DDX31: variants seen among roughly 807,000 people sequenced by gnomAD.
DDX31 encodes the protein ATP-dependent DNA helicase DDX31.
Under a neutral mutation model 91.3 loss-of-function variants are expected in DDX31, and 70 were observed. The ratio of observed to expected loss-of-function variants is 0.77; its 90% CI spans 0.63 to 0.94. The LOEUF (loss-of-function observed/expected upper bound fraction) is 0.94. DDX31 is among the 40% of genes least tolerant of loss of function. The pLI, the probability that DDX31 is intolerant of heterozygous loss-of-function variation, is 0.00. For synonymous variants in DDX31, 362 were observed against 350.6 expected (o/e 1.03, Z -0.36); for missense variants, 902 against 925.0 (o/e 0.98, Z 0.32).
intron 17 of DDX31, among the ~76,000 whole-genome samples, chr9:132,624,476 A>G (rs1281791110): frequency 6.6e-6 from 1 of 152,248 alleles, no homozygotes; most frequent in Non-Finnish European, 1.5e-5. Context: ...TTATTTAGAA[A>G]AAGACTCAAT....
chr9:132,641,223 G>A (rs1368991484), intron 14 of DDX31, among the ~76,000 whole-genome samples: 1 of 152,172 alleles, frequency 6.6e-6, no homozygotes, highest in Non-Finnish European at 1.5e-5. Context: ...TGGCCTAGAT[G>A]GGCATTCAAA....
chr9:132,605,316 A>T (rs1415936136), intron 19 of DDX31, among the ~76,000 whole-genome samples: 1 of 152,160 alleles, frequency 6.6e-6, no homozygotes, highest in East Asian at 1.9e-4. Flanking sequence ...CAAATCTGAA[A>T]ACTAATATGC....
rs746167065 is a variant in DDX31, at chr9:132,618,387, T to C, written c.1768A>G (p.Thr590Ala). ...GAGTGCACGTAATCTTCAAATACCG[T>C]CTGCAAGACTGTGGCTCGCTCTCGG... Reference protein sequence around the residue: ...EIRERATVLQTVFEDYVHSSE... With the variant: ...EIRERATVLQAVFEDYVHSSE... The change falls in exon 18 of 20, where the codon ACG (threonine) becomes GCG (alanine). Residue 590 changes from threonine to alanine, a missense_variant. Coordinates refer to ENST00000372159, the MANE Select transcript of DDX31 (RefSeq NM_022779.9). 1.2e-6 allele frequency: 2 copies of C among 1,612,248 alleles called. No homozygotes were observed. The highest frequency in any genetic ancestry group is 1.7e-6 in the Non-Finnish European group (2 of 1,179,334).
At chr9:132,648,404 C>T in intron 10 of DDX31, 28 bp downstream of exon 10, 1 of 1,611,506 alleles carries the variant, frequency 6.2e-7, no homozygotes, top group Non-Finnish European at 8.5e-7. Flanking sequence ...TTCTCTTCTA[C>T]CTGTTATCAT....
At chr9:132,596,250 T>C (rs1830427454) in intron 19 of DDX31, among the ~76,000 whole-genome samples, 1 of 152,208 alleles carries the variant, frequency 6.6e-6, no homozygotes, top group African/African-American at 2.4e-5. Flanking sequence ...AGACTAATAG[T>C]GTGTTGTTAA....
At position 132,630,403 on chromosome 9, in the gene DDX31, A is replaced by G. The variant is rs959681366; in HGVS notation, c.1492T>C (p.Tyr498His). ...TCTGCAGGTGAAGATGGAGCGTTGT[A>G]CTAAAAAGGGTAACAAAAATGAAGG... ...DLPQVTWIVQYNAPSSPAEYI... is the reference protein window; with the variant it reads ...DLPQVTWIVQHNAPSSPAEYI... Residue 498 changes from tyrosine to histidine, a missense_variant and splice_region_variant, in exon 16 of 20, where the codon TAC becomes CAC. Coordinates refer to ENST00000372159, the MANE Select transcript of DDX31 (RefSeq NM_022779.9). 5.7e-6 allele frequency: 9 copies of G among 1,583,470 alleles called. No homozygotes were observed. The highest frequency in any genetic ancestry group is 1.7e-6 in the Non-Finnish European group (2 of 1,155,830).
chr9:132,652,897 A>G (rs1437863745), intron 6 of DDX31, among the ~76,000 whole-genome samples: 1 of 152,122 alleles, frequency 6.6e-6, no homozygotes, highest in Non-Finnish European at 1.5e-5. Context: ...GACCTCCCCC[A>G]GCCATGTGGA....
At chr9:132,637,279 C>T (rs1833180484) in intron 14 of DDX31, among the ~76,000 whole-genome samples, 1 of 152,176 alleles carries the variant, frequency 6.6e-6, no homozygotes, top group Admixed American at 6.5e-5. Context: ...GTTCTGTCTG[C>T]TCTTAGAACT....
In DDX31 at chr9:132,632,083, T is replaced by A. The variant is rs779030066; in HGVS notation, c.1449A>T (p.Ala483=). The change falls in exon 15 of 20, where the codon GCA becomes GCT. Residue 483 remains alanine (A), a synonymous_variant. Coordinates refer to ENST00000372159, the MANE Select transcript of DDX31 (RefSeq NM_022779.9). ...RRGVLLCTDV[A]ARGLDLPQVT... ...CTTGAGGGAGATCTAAGCCCCGAGC[T>A]GCAACATCCTTTAACAAAGAAAAGA... The A allele has an allele frequency of 3.7e-6, 6 of 1,613,224 alleles. No individual in the cohort carries two copies. In the Admixed American group the frequency reaches 1.0e-4, roughly 27 times the overall value.
At chr9:132,639,378 C>T (rs369180193) in intron 14 of DDX31, among the ~76,000 whole-genome samples, 1 of 152,150 alleles carries the variant, frequency 6.6e-6, no homozygotes, top group African/African-American at 2.4e-5. Flanking sequence ...CCCAGAATAT[C>T]GGCATGCTGG....
At chr9:132,647,269 A>C (rs1057495185) in intron 11 of DDX31, among the ~76,000 whole-genome samples, 12 of 152,142 alleles carry the variant, frequency 7.9e-5, no homozygotes, top group Non-Finnish European at 1.5e-4. Flanking sequence ...CCATTCTATA[A>C]ACACTCACCT....
chr9:132,665,146 A>G (rs1362446545), intron 1 of DDX31, among the ~76,000 whole-genome samples: 2 of 152,236 alleles, frequency 1.3e-5, no homozygotes, highest in Non-Finnish European at 2.9e-5. Flanking sequence ...TCTGTCCTAC[A>G]TAGCACTGTA....
intron 19 of DDX31, among the ~76,000 whole-genome samples, chr9:132,611,172 A>G (rs184250065): frequency 7.3e-4 from 111 of 152,300 alleles, no homozygotes; most frequent in African/African-American, 2.5e-3. Context: ...GCGTTTGTAA[A>G]TTAACGTGGA....
At chr9:132,652,557 G>A (rs1834270340) in intron 6 of DDX31, 65 bp from the exon 7 acceptor site, 2 of 1,595,174 alleles carry the variant, frequency 1.3e-6, no homozygotes, top group Non-Finnish European at 1.7e-6. Context: ...AAACGGACAG[G>A]ACACAGGGGT....
At chr9:132,611,912 C>T (rs562246111) in intron 19 of DDX31, among the ~76,000 whole-genome samples, 175 bp downstream of exon 19, 3 of 152,260 alleles carry the variant, frequency 2.0e-5, no homozygotes, top group Admixed American at 6.5e-5. Flanking sequence ...CAAAAGGAGG[C>T]ACCCCTGAAT....
chr9:132,619,437 C>G (rs1473794647), intron 17 of DDX31, among the ~76,000 whole-genome samples: 1 of 152,110 alleles, frequency 6.6e-6, no homozygotes, highest in Non-Finnish European at 1.5e-5. Context: ...GCTGCTTAAC[C>G]TTGTAGAGGA....
At position 132,650,412 on chromosome 9, in the gene DDX31, T is replaced by C. The variant is rs1371832027; in HGVS notation, c.676-114A>G. 7.5e-6 allele frequency: 7 copies of C among 933,250 alleles called. No homozygotes were observed. The East Asian group carries it at 7.7e-5, about 10-fold the overall frequency. The allele number at this position is 933,250 out of a possible 1,614,324, so 57.8% of individuals were successfully genotyped here. On this transcript the variant is annotated intron_variant, in intron 8 of 19. Transcript: ENST00000372159. ...CATGGGAGAAAACTGGTGCTTCTCA[T>C]TGTATAAGGTGTTATTGTGCAGACA...
At chr9:132,638,128 C>T (rs1234661162) in intron 14 of DDX31, 5 of 1,381,422 alleles carry the variant, frequency 3.6e-6, no homozygotes, top group African/African-American at 2.9e-5. Flanking sequence ...GGACAGTTGG[C>T]GCCCAGGGCG....
intron 18 of DDX31, among the ~76,000 whole-genome samples, 185 bp downstream of exon 18, chr9:132,618,145 A>G (rs1359910341): frequency 3.3e-5 from 5 of 152,212 alleles, no homozygotes; most frequent in Non-Finnish European, 7.3e-5. Context: ...TTAACATTTA[A>G]TATCACTTTA....
Sources: gnomAD v4.1 joint callset for allele counts (sites outside exome capture counted in the v4.1 genomes callset) on GRCh38, gnomAD v4.1.1 for gene constraint, MANE v1.5 for transcripts, NCBI Gene and HGNC (gene_info 2026-07-23, HGNC 2026-07-21) for gene names.